Variants in EFCAB6 observed in about 807,000 individuals in gnomAD.
EFCAB6 encodes the protein EF-hand calcium binding domain 6.
A neutral mutation model predicts 169.8 loss-of-function variants in EFCAB6; 156 were observed. The ratio of observed to expected loss-of-function variants is 0.92; its 90% confidence interval spans 0.81 to 1.05. The LOEUF is 1.05. Ranked by LOEUF, EFCAB6 falls within the 50% of genes least tolerant of loss-of-function variation. EFCAB6 has a pLI of 0.00. For missense variants in EFCAB6, 1,800 were observed against 1,829.1 expected (o/e 0.98, Z 0.29); for synonymous variants, 698 against 676.4 (o/e 1.03, Z -0.50).
intron 17 of EFCAB6, among the ~76,000 whole-genome samples, chr22:43,664,356 T>C (rs1456353283): frequency 1.3e-5 from 2 of 152,208 alleles, no homozygotes; most frequent in African/African-American, 4.8e-5. Flanking sequence ...TGCAAAGCAC[T>C]TGGGGAGCAG....
intron 26 of EFCAB6, among the ~76,000 whole-genome samples, chr22:43,556,584 T>C (rs986362126): frequency 6.6e-6 from 1 of 152,166 alleles, no homozygotes; most frequent in Non-Finnish European, 1.5e-5. Context: ...CTATTAAAAC[T>C]TGGTCATGTT....
chr22:43,691,093 G>A (rs1233447946), intron 10 of EFCAB6, among the ~76,000 whole-genome samples: 5 of 152,078 alleles, frequency 3.3e-5, no homozygotes, highest in Admixed American at 3.3e-4. Context: ...ACATGATCAT[G>A]AGAAAGAGAG....
At chr22:43,547,302 G>C (rs2048114740) in intron 27 of EFCAB6, among the ~76,000 whole-genome samples, 1 of 152,096 alleles carries the variant, frequency 6.6e-6, no homozygotes, top group Admixed American at 6.6e-5. Flanking sequence ...ATTGGCAAAA[G>C]AGAACAATGA....
intron 17 of EFCAB6, among the ~76,000 whole-genome samples, chr22:43,643,737 G>C (rs1377259711): frequency 6.6e-6 from 1 of 152,212 alleles, no homozygotes; most frequent in Non-Finnish European, 1.5e-5. Flanking sequence ...GTTTGGAACA[G>C]GTCTACAGCA....
chr22:43,735,579 T>C lies in EFCAB6; in HGVS notation c.644+278A>G, dbSNP rs1603298335. On this transcript the variant is annotated intron_variant, in intron 7 of 31. Transcript: ENST00000262726. ...GGGGAAAGAGACAATTGGTGATGGA[T>C]TACTCCAATAACCTGGATGTGTTCA... Among the ~76,000 whole-genome samples the C allele has an allele frequency of 2.6e-5, 4 of 152,200 alleles. No individual in the cohort carries two copies. In the Middle Eastern group the frequency reaches 0.01, roughly 388 times the overall value.
At position 43,667,085 on chromosome 22, in the gene EFCAB6, G is replaced by T; in HGVS notation, c.1983+19C>A. On this transcript the variant is annotated intron_variant, in intron 17 of 31. Coordinates refer to ENST00000262726, the MANE Select transcript of EFCAB6 (RefSeq NM_022785.4). Reference sequence around the variant, plus strand: ...TGAACTTCTGCAGGATAGAAACAAAGAGAAACCCATTCTCCTACCTTCTTA... The same window carrying T: ...TGAACTTCTGCAGGATAGAAACAAATAGAAACCCATTCTCCTACCTTCTTA... 1 of 1,607,812 alleles carries T rather than the reference G, an allele frequency of 6.2e-7. No individual in the cohort carries two copies. The highest frequency in any genetic ancestry group is 1.1e-5 in the South Asian group (1 of 90,242).
At chr22:43,764,819 CA>C (rs906722115) in intron 5 of EFCAB6, among the ~76,000 whole-genome samples, 115 of 142,714 alleles carry the variant, frequency 8.1e-4, no homozygotes, top group African/African-American at 1.8e-3. Context: ...GCTCATGTTG[CA>C]AAAAAAAAAG....
rs113135661 is a variant in EFCAB6 at position 43,567,931 on chromosome 22, G to A, written c.3420+8366C>T. On this transcript the variant is annotated intron_variant, in intron 26 of 31. Coordinates refer to ENST00000262726, the MANE Select transcript of EFCAB6 (RefSeq NM_022785.4). ...GAAGCCATGCTCCTCCGATTTCACC[G>A]AAGTCCAACCACCTACCACATGTGC... Among the ~76,000 whole-genome samples, 7 of 152,202 alleles carry A rather than the reference G, an allele frequency of 4.6e-5. 1 individual carries two copies. The highest frequency in any genetic ancestry group is 7.2e-5 in the African/African-American group (3 of 41,492).
At chr22:43,539,605 G>A (rs932506971) in intron 28 of EFCAB6, among the ~76,000 whole-genome samples, 2 of 152,110 alleles carry the variant, frequency 1.3e-5, no homozygotes, top group Non-Finnish European at 2.9e-5. Context: ...ACCTTCCTCC[G>A]TCCCAGGCCT....
Position 43,772,952 on chromosome 22 carries a change from T to C in EFCAB6, c.291A>G (p.Arg97=), listed in dbSNP as rs779914907. ...NLTVSKSELR[R]IITDFLMPLT... ...GCGGCATCAGGAAGTCTGTGATGATTCTTCTCAGTTCACTTTTTGACACAG... is the reference window on the plus strand; with the variant it reads ...GCGGCATCAGGAAGTCTGTGATGATCCTTCTCAGTTCACTTTTTGACACAG... Residue 97 remains arginine (R), a synonymous_variant, in exon 4 of 32, where the codon AGA becomes AGG. Coordinates refer to ENST00000262726, the MANE Select transcript of EFCAB6 (RefSeq NM_022785.4). 2.1e-5 allele frequency: 34 copies of C among 1,614,090 alleles called. No individual in the cohort carries two copies. The highest frequency in any genetic ancestry group is 2.9e-5 in the Non-Finnish European group (34 of 1,180,048).
At chr22:43,586,558 A>T (rs867905393) in intron 24 of EFCAB6, among the ~76,000 whole-genome samples, 1 of 151,968 alleles carries the variant, frequency 6.6e-6, no homozygotes, top group African/African-American at 2.4e-5. Context: ...ATACAGACAG[A>T]AATAGGAGTC....
At position 43,642,041 on chromosome 22, in the gene EFCAB6, A is replaced by G. The variant is rs919048667; in HGVS notation, c.1984-6825T>C. On this transcript the variant is annotated intron_variant, in intron 17 of 31. Coordinates refer to ENST00000262726, the MANE Select transcript of EFCAB6 (RefSeq NM_022785.4). ...CCACAACCTCCGCCTCTTGGGTTCA[A>G]GTGATTCTCCTGCCTCAAGCCTCCT... Among the ~76,000 whole-genome samples, 6 of 51,086 alleles carry G rather than the reference A, an allele frequency of 1.2e-4. No individual in the cohort carries two copies. The South Asian group carries it at 3.0e-3, about 25-fold the overall frequency. The allele number at this position is 51,086 out of a possible 152,430, so 33.5% of individuals were successfully genotyped here. A position where few individuals can be genotyped will look rare whatever the true frequency, so the allele number is the denominator to read the frequency against.
chr22:43,626,528 A>G lies in EFCAB6; in HGVS notation c.2384T>C (p.Val795Ala). The G allele has an allele frequency of 1.2e-6, 2 of 1,614,164 alleles. No homozygotes were observed. The highest frequency in any genetic ancestry group is 2.2e-5 in the East Asian group (1 of 44,884). Residue 795 changes from valine (V) to alanine (A), a missense_variant, in exon 20 of 32, where the codon GTC becomes GCC. Physicochemically the swap from Val to Ala is moderately conservative, Grantham distance 64. Coordinates refer to ENST00000262726, the MANE Select transcript of EFCAB6 (RefSeq NM_022785.4). Reference protein sequence around the residue: ...FLGLLGLRLSVTLNFREFQNL... With the variant: ...FLGLLGLRLSATLNFREFQNL... ...TTGAAATTCCCGAAAATTTAAAGTG[A>G]CACTAAGTCTCAAGCCAAGAAGGCC...
At chr22:43,800,255 G>C (rs945512173) in intron 2 of EFCAB6, among the ~76,000 whole-genome samples, 1 of 152,220 alleles carries the variant, frequency 6.6e-6, no homozygotes, top group Non-Finnish European at 1.5e-5. Flanking sequence ...ATTCCAAGCA[G>C]TTACTAGAGT....
rs376016568 is a variant in EFCAB6 at position 43,765,298 on chromosome 22, C to T, written c.440+7G>A. The T allele has an allele frequency of 1.2e-6, 2 of 1,607,358 alleles. No individual in the cohort carries two copies. Among genetic ancestry groups the T allele is most frequent in the African/African-American group, 2.7e-5 (2 of 74,736 alleles). On this transcript the variant is annotated splice_region_variant and intron_variant, in intron 5 of 31. Coordinates refer to ENST00000262726, the MANE Select transcript of EFCAB6 (RefSeq NM_022785.4). Reference sequence around the variant, plus strand: ...CACATTTTCACATGAGCAAACCAAACACTTACCTCTTTATACCATTTATAT... The same window carrying T: ...CACATTTTCACATGAGCAAACCAAATACTTACCTCTTTATACCATTTATAT...
intron 19 of EFCAB6, among the ~76,000 whole-genome samples, chr22:43,630,888 C>T (rs768774322): frequency 1.3e-5 from 2 of 150,632 alleles, no homozygotes; most frequent in African/African-American, 5.0e-5. Context: ...ATGCATATGG[C>T]GATCATATTT....
chr22:43,745,518 C>T (rs1306650427), intron 6 of EFCAB6, among the ~76,000 whole-genome samples: 2 of 152,212 alleles, frequency 1.3e-5, no homozygotes. Context: ...AACCGCATCC[C>T]ACCCGCCTGC....
At chr22:43,557,418 A>C (rs1211216233) in intron 26 of EFCAB6, among the ~76,000 whole-genome samples, 1 of 152,272 alleles carries the variant, frequency 6.6e-6, no homozygotes, top group Non-Finnish European at 1.5e-5. Flanking sequence ...ATTCAATTTA[A>C]TTGAATTAGC....
At chr22:43,562,279 T>C (rs1303874878) in intron 26 of EFCAB6, among the ~76,000 whole-genome samples, 2 of 152,186 alleles carry the variant, frequency 1.3e-5, no homozygotes, top group East Asian at 1.9e-4. Flanking sequence ...CACCGTAATA[T>C]TGGCAAAATA....
Sources: gnomAD v4.1 joint callset for allele counts (sites outside exome capture counted in the v4.1 genomes callset) on GRCh38, gnomAD v4.1.1 for gene constraint, MANE v1.5 for transcripts, NCBI Gene and HGNC (gene_info 2026-07-23, HGNC 2026-07-21) for gene names.